The following RFFL variants were observed in gnomAD, a reference collection of about 807,000 sequenced individuals.
RFFL encodes ring finger and FYVE like domain containing E3 ubiquitin protein ligase, also known as E3 ubiquitin-protein ligase rififylin.
A neutral mutation model predicts 40.4 loss-of-function variants in RFFL; 16 were observed. The ratio of observed to expected loss-of-function variants is 0.40; its 90% CI spans 0.27 to 0.60. RFFL has a LOEUF of 0.60. Ranked by LOEUF, RFFL falls within the 20% of genes least tolerant of loss-of-function variation. The pLI is 0.47. For missense variants in RFFL, 367 were observed against 451.7 expected (o/e 0.81, Z 1.70); for synonymous variants, 154 against 167.9 (o/e 0.92, Z 0.64).
In RFFL at chr17:35,009,050, A is replaced by T. The variant is rs897719677; in HGVS notation, c.*2918T>A. ...CTAAAGTGTGGAAATTATAGCATGA[A>T]CCACTGTCAGGCTCTTTTGTCAGTC... On this transcript the variant is annotated 3_prime_UTR_variant, in exon 7 of 7. Transcript: ENST00000394597. The T allele has an allele frequency of 3.3e-5, 5 of 152,604 alleles. No homozygotes were observed. The highest frequency in any genetic ancestry group is 1.2e-4 in the African/African-American group (5 of 41,442). The allele number at this position is 152,604 out of a possible 1,614,324, so 9.5% of individuals were successfully genotyped here. A position where few individuals can be genotyped will look rare whatever the true frequency, so the allele number is the denominator to read the frequency against.
At chr17:35,033,587 G>C (rs1271815812) in intron 1 of RFFL, among the ~76,000 whole-genome samples, 1 of 151,894 alleles carries the variant, frequency 6.6e-6, no homozygotes, top group Non-Finnish European at 1.5e-5. Flanking sequence ...ATCAGATTAG[G>C]GGGTAGGTCT....
upstream of RFFL, among the ~76,000 whole-genome samples, chr17:35,067,495 C>T (rs181156741): frequency 9.3e-4 from 133 of 142,572 alleles, no homozygotes; most frequent in African/African-American, 3.4e-3. Flanking sequence ...CTCGCTCTGT[C>T]GCCCAGGTTG....
chr17:35,056,419 C>T (rs1301895025), intron 1 of RFFL, among the ~76,000 whole-genome samples: 8 of 148,722 alleles, frequency 5.4e-5, no homozygotes, highest in Non-Finnish European at 1.2e-4. Context: ...GCTCTGTTGC[C>T]CAGGCTGGAA....
Position 35,055,643 on chromosome 17 carries a change from C to G in RFFL, c.-9+7933G>C, listed in dbSNP as rs1310378517. ...CCGAGATCATGCCATTGCACTCCAG[C>G]CTGGGCCACAAGAGCAAAACTCCAT... On this transcript the variant is annotated intron_variant, in intron 1 of 6. Transcript: ENST00000394597. Among the ~76,000 whole-genome samples, 3 of 150,020 alleles carry G rather than the reference C, an allele frequency of 2.0e-5. No homozygotes were observed. In the East Asian group the frequency reaches 5.9e-4, roughly 29 times the overall value.
intron 1 of RFFL, among the ~76,000 whole-genome samples, chr17:35,040,101 C>G (rs2091154090): frequency 6.6e-6 from 1 of 152,276 alleles, no homozygotes; most frequent in East Asian, 1.9e-4. Flanking sequence ...TGACACTTCT[C>G]TATCCTCATC....
chr17:35,024,018 C>T (rs943620103), intron 2 of RFFL, among the ~76,000 whole-genome samples: 1 of 152,138 alleles, frequency 6.6e-6, no homozygotes, highest in Admixed American at 6.5e-5. Context: ...TAAATTCTGC[C>T]GAATGGTTCA....
At chr17:35,038,942 T>C (rs750648512) in intron 1 of RFFL, among the ~76,000 whole-genome samples, 4 of 152,242 alleles carry the variant, frequency 2.6e-5, no homozygotes, top group Non-Finnish European at 5.9e-5. Flanking sequence ...GGTGTCTCAC[T>C]CTGTTGCTCA....
chr17:35,075,774 T>G (rs2091372372), intron 1 of RFFL, among the ~76,000 whole-genome samples: 2 of 152,152 alleles, frequency 1.3e-5, no homozygotes, highest in African/African-American at 4.8e-5. Context: ...CCTCGTAGAC[T>G]ATTCACAAAA....
chr17:35,012,828 T>TA (rs2090949504), intron 6 of RFFL, among the ~76,000 whole-genome samples: 1 of 152,252 alleles, frequency 6.6e-6, no homozygotes, highest in Non-Finnish European at 1.5e-5. Context: ...TTTGCCTACT[T>TA]ACTCCCAGAG....
intron 1 of RFFL, among the ~76,000 whole-genome samples, chr17:35,049,441 T>A (rs922977231): frequency 3.9e-5 from 6 of 152,182 alleles, no homozygotes; most frequent in African/African-American, 1.4e-4. Flanking sequence ...AGCAGATGGT[T>A]ATCCTATAAC....
Position 35,011,815 on chromosome 17 carries a change from G to C in RFFL, c.*153C>G, listed in dbSNP as rs1191849176. The C allele has an allele frequency of 1.6e-5, 11 of 692,340 alleles. No homozygotes were observed. The highest frequency in any genetic ancestry group is 2.7e-5 in the Non-Finnish European group (11 of 409,144). The allele number at this position is 692,340 out of a possible 1,614,324, so 42.9% of individuals were successfully genotyped here. On this transcript the variant is annotated 3_prime_UTR_variant, in exon 7 of 7. Transcript: ENST00000394597. The stretch of plus-strand genomic sequence containing the variant: ...AAGAGGTACACCCCTGGGAAGACAG[G>C]CATGCTCAGGGGTGACATGGCATCT...
intron 1 of RFFL, among the ~76,000 whole-genome samples, chr17:35,075,767 C>T (rs147098154): frequency 1.4e-4 from 22 of 152,216 alleles, no homozygotes; most frequent in African/African-American, 5.1e-4. Flanking sequence ...AATGCATCCT[C>T]GTAGACTATT....
At chr17:35,058,634 G>C (rs2091273779) in intron 1 of RFFL, among the ~76,000 whole-genome samples, 2 of 152,066 alleles carry the variant, frequency 1.3e-5, no homozygotes, top group Admixed American at 1.3e-4. Flanking sequence ...AGCCAGGCGT[G>C]GTGGCAAGCA....
intron 1 of RFFL, among the ~76,000 whole-genome samples, chr17:35,078,209 T>G: frequency 6.6e-6 from 1 of 152,154 alleles, no homozygotes; most frequent in South Asian, 2.1e-4. Flanking sequence ...ATTTAAGATC[T>G]ATTGCAGTAA....
chr17:35,038,451 A>G (rs998136901), intron 1 of RFFL, among the ~76,000 whole-genome samples: 4 of 152,246 alleles, frequency 2.6e-5, no homozygotes, highest in African/African-American at 9.6e-5. Context: ...GCTTCCAGGC[A>G]TATACCCAAC....
At chr17:35,062,763 G>A (rs1213731189) in intron 1 of RFFL, among the ~76,000 whole-genome samples, 2 of 152,218 alleles carry the variant, frequency 1.3e-5, no homozygotes, top group African/African-American at 4.8e-5. Context: ...GTAATTTGGA[G>A]GGTGACGACT....
At chr17:35,029,250 AGAGT>A (rs2091064948) in intron 1 of RFFL, among the ~76,000 whole-genome samples, 1 of 151,872 alleles carries the variant, frequency 6.6e-6, no homozygotes, top group Admixed American at 6.6e-5. Context: ...AGTTCTTCAC[AGAGT>A]GTGTGTATGA....
chr17:35,077,709 T>C (rs1393263719), intron 1 of RFFL, among the ~76,000 whole-genome samples: 3 of 152,244 alleles, frequency 2.0e-5, no homozygotes, highest in Non-Finnish European at 4.4e-5. Context: ...CCTGGCATAA[T>C]CCAAGCTTGA....
intron 1 of RFFL, among the ~76,000 whole-genome samples, chr17:35,083,020 C>T (rs924316494): frequency 2.0e-5 from 3 of 152,200 alleles, no homozygotes; most frequent in African/African-American, 4.8e-5. Flanking sequence ...ACTCATCAAA[C>T]GGCTGCTGAC....
Sources: gnomAD v4.1 joint callset for allele counts (sites outside exome capture counted in the v4.1 genomes callset) on GRCh38, gnomAD v4.1.1 for gene constraint, MANE v1.5 for transcripts, NCBI Gene and HGNC (gene_info 2026-07-23, HGNC 2026-07-21) for gene names.